BCL11A: variants seen among roughly 807,000 people sequenced by gnomAD.
BCL11A encodes the protein B cell CLL/lymphoma 11A.
In BCL11A, 2 loss-of-function variants were observed where a neutral mutation model predicts 55.9. The observed-to-expected ratio is 0.04, with a 90% CI of 0.01 to 0.11. The LOEUF is 0.11. Among genes scored for constraint, BCL11A ranks in the 10% least tolerant of loss-of-function variants. BCL11A has a pLI of 1.00. For missense variants in BCL11A, 817 were observed against 1,137.1 expected (o/e 0.72, Z 4.05); for synonymous variants, 465 against 473.4 (o/e 0.98, Z 0.23).
intron 2 of BCL11A, chr2:60,544,279 AGAC>A (rs1364541759): frequency 6.6e-6 from 1 of 152,258 alleles, no homozygotes; most frequent in Non-Finnish European, 1.5e-5. Flanking sequence ...GGATCTCCGA[AGAC>A]GACAAATCCC....
At position 60,457,789 on chromosome 2, in the gene BCL11A, G is replaced by A. The variant is rs948702477; in HGVS notation, c.*2615C>T. 10 of 1,040,238 alleles carry A rather than the reference G, an allele frequency of 9.6e-6. No individual in the cohort carries two copies. Among genetic ancestry groups the A allele is most frequent in the Non-Finnish European group, 1.0e-5 (9 of 864,158 alleles). The allele number at this position is 1,040,238 out of a possible 1,614,324, so 64.4% of individuals were successfully genotyped here. ...AAAGCACACTACATAACAAACCAAC[G>A]TTATTAGCTTGCAGTACTGCATACA... is the stretch of plus-strand genomic sequence containing the variant. On this transcript the variant is annotated 3_prime_UTR_variant, in exon 4 of 4. Coordinates refer to ENST00000642384, the MANE Select transcript of BCL11A (RefSeq NM_022893.4).
chr2:60,503,129 G>A (rs924934705), intron 2 of BCL11A, among the ~76,000 whole-genome samples: 66 of 152,184 alleles, frequency 4.3e-4, no homozygotes, highest in Non-Finnish European at 1.8e-4. Flanking sequence ...CATTTGTCCT[G>A]GCAATGGGAG....
intron 3 of BCL11A, 116 bp from the exon 4 acceptor site, chr2:60,462,540 T>G: frequency 6.9e-7 from 1 of 1,459,134 alleles, no homozygotes; most frequent in Admixed American, 2.7e-5. Context: ...CCCCAAGGCC[T>G]AAGCCCTCAC....
chr2:60,539,531 G>T (rs1387070893), intron 2 of BCL11A, among the ~76,000 whole-genome samples: 1 of 152,118 alleles, frequency 6.6e-6, no homozygotes, highest in Non-Finnish European at 1.5e-5. Context: ...TAAAAAGCAG[G>T]GAGACAAATT....
chr2:60,540,038 T>C (rs538816614), intron 2 of BCL11A, among the ~76,000 whole-genome samples: 2 of 152,330 alleles, frequency 1.3e-5, no homozygotes, highest in East Asian at 3.9e-4. Flanking sequence ...AGTCTGAACA[T>C]ATTTTATGAA....
intron 2 of BCL11A, among the ~76,000 whole-genome samples, chr2:60,521,713 A>G (rs575661439): frequency 6.6e-6 from 1 of 152,156 alleles, no homozygotes; most frequent in African/African-American, 2.4e-5. Flanking sequence ...TCTTTCTCTA[A>G]TAGCCAGGGC....
Position 60,460,482 on chromosome 2 carries a change from G to T in BCL11A, c.2430C>A (p.Ser810Arg). ...TGTGTTTCTCCAGGGTACTGTACAC[G>T]CTAAAAGGCATCTTACAAATTTCAC... ...YKCEICKMPF[S>R]VYSTLEKHMK... Residue 810 changes from serine (S) to arginine (R), a missense_variant, in exon 4 of 4, where the codon AGC becomes AGA. Coordinates refer to ENST00000642384, the MANE Select transcript of BCL11A (RefSeq NM_022893.4). 1 of 1,613,990 alleles carries T rather than the reference G, an allele frequency of 6.2e-7. No homozygotes were observed.
intron 2 of BCL11A, among the ~76,000 whole-genome samples, chr2:60,485,555 T>C (rs549630978): frequency 4.6e-5 from 7 of 152,198 alleles, no homozygotes; most frequent in African/African-American, 1.4e-4. Context: ...GAAAACAATG[T>C]GTAAAGTGGC....
At chr2:60,451,958 C>T (rs1675741135) in exon 5 of BCL11A, 2 of 228,676 alleles carry the variant, frequency 8.7e-6, no homozygotes, top group Admixed American at 1.1e-4. Context: ...CCAAGTTTTG[C>T]ATTTTGATTC....
chr2:60,537,747 A>C (rs374814017), intron 2 of BCL11A: 33 of 152,384 alleles, frequency 2.2e-4, no homozygotes, highest in African/African-American at 7.9e-4. Context: ...AAATGCCCTG[A>C]TGCTTAGCAA....
rs527300341 is a variant in BCL11A, at chr2:60,550,544, C to T, written c.55+2672G>A. ...CTAGCGACCGAATGGCTCATTCAGC[C>T]CACATAGCAGAGGCGGGGGGCGGGG... is the stretch of plus-strand genomic sequence containing the variant. On this transcript the variant is annotated intron_variant, in intron 1 of 3. Coordinates refer to ENST00000642384, the MANE Select transcript of BCL11A (RefSeq NM_022893.4). Among the ~76,000 whole-genome samples, 9 of 151,150 alleles carry T rather than the reference C, an allele frequency of 6.0e-5. No individual in the cohort carries two copies. The South Asian group carries it at 1.9e-3, about 32-fold the overall frequency.
Position 60,546,986 on chromosome 2 carries a change from TCTCA to T in BCL11A, c.56-690_56-687del, listed in dbSNP as rs1670186016. 6.6e-6 allele frequency among the ~76,000 whole-genome samples: 1 copy of T among 152,196 alleles called. No homozygotes were observed. Among genetic ancestry groups the T allele is most frequent in the African/African-American group, 2.4e-5 (1 of 41,442 alleles). On this transcript the variant is annotated intron_variant, in intron 1 of 3. Coordinates refer to ENST00000642384, the MANE Select transcript of BCL11A (RefSeq NM_022893.4). This position sits in a 1 kb window ranked among gnomAD's most constrained non-coding sequence, Gnocchi z 4.1. ...TTCACACTGCCAAAAACCTTTCTGCTCTCACTCTCAGCAGTGCCACAAAATCAAA... is the reference window on the plus strand; with the variant it reads ...TTCACACTGCCAAAAACCTTTCTGCTCTCTCAGCAGTGCCACAAAATCAAA...
chr2:60,462,410 T>C lies in BCL11A; in HGVS notation c.502A>G (p.Ser168Gly). The change falls in exon 4 of 4, where the codon AGC becomes GGC. Residue 168 changes from serine to glycine, a missense_variant. Transcript: ENST00000642384. ...APQGICKDEP[S>G]SYTCTTCKQP... ...TTGCAAGTTGTACATGTGTAGCTGCTGGGCTCATCTTTACCTGCAAAATAA... is the reference window on the plus strand; with the variant it reads ...TTGCAAGTTGTACATGTGTAGCTGCCGGGCTCATCTTTACCTGCAAAATAA... 6.2e-7 allele frequency: 1 copy of C among 1,602,842 alleles called. No homozygotes were observed. The highest frequency in any genetic ancestry group is 8.5e-7 in the Non-Finnish European group (1 of 1,174,496).
intron 2 of BCL11A, among the ~76,000 whole-genome samples, chr2:60,479,679 C>T (rs1677841099): frequency 6.6e-6 from 1 of 152,182 alleles, no homozygotes; most frequent in African/African-American, 2.4e-5. Context: ...CCGTCCTGTA[C>T]TCCTGCCCCA....
chr2:60,461,357 G>C lies in BCL11A; in HGVS notation c.1555C>G (p.Leu519Val). ...ERVDYGFGLS[L>V]EAARHHENSS... The stretch of plus-strand genomic sequence containing the variant: ...TTCTCGTGGTGGCGCGCCGCCTCCA[G>C]GCTCAGCCCGAAGCCGTAGTCCACC... Residue 519 changes from leucine to valine, a missense_variant, in exon 4 of 4, where the codon CTG (leucine) becomes GTG (valine). Physicochemically the swap from Leu to Val is conservative, Grantham distance 32. Coordinates refer to ENST00000642384, the MANE Select transcript of BCL11A (RefSeq NM_022893.4). The C allele has an allele frequency of 1.9e-6, 3 of 1,605,336 alleles. No individual in the cohort carries two copies. Among genetic ancestry groups the C allele is most frequent in the Non-Finnish European group, 2.5e-6 (3 of 1,179,188 alleles).
At chr2:60,471,001 T>C (rs1677162621) in intron 2 of BCL11A, among the ~76,000 whole-genome samples, 1 of 152,164 alleles carries the variant, frequency 6.6e-6, no homozygotes, top group African/African-American at 2.4e-5. Flanking sequence ...TGGGAATTTG[T>C]CTCTTCCCCC....
At chr2:60,511,847 T>A (rs1680007035) in intron 2 of BCL11A, among the ~76,000 whole-genome samples, 2 of 152,102 alleles carry the variant, frequency 1.3e-5, no homozygotes, top group South Asian at 4.2e-4. Context: ...AAGGCAAGGG[T>A]TGGAGGGAGC....
chr2:60,520,314 C>CT (rs1173880515), intron 2 of BCL11A, among the ~76,000 whole-genome samples: 3 of 151,140 alleles, frequency 2.0e-5, no homozygotes, highest in East Asian at 1.9e-4. Context: ...AAACATTTCA[C>CT]TTTTTTTTTC....
At chr2:60,501,100 C>T (rs928197762) in intron 2 of BCL11A, among the ~76,000 whole-genome samples, 1 of 152,210 alleles carries the variant, frequency 6.6e-6, no homozygotes, top group Non-Finnish European at 1.5e-5. Flanking sequence ...ACATCTTTGG[C>T]ACATCTTCTG....
Sources: gnomAD v4.1 joint callset for allele counts (sites outside exome capture counted in the v4.1 genomes callset) on GRCh38, gnomAD v4.1.1 for gene constraint, Gnocchi (gnomAD v3.1) non-coding constraint, MANE v1.5 for transcripts, NCBI Gene and HGNC (gene_info 2026-07-23, HGNC 2026-07-21) for gene names.